Variants in COL27A1 observed in about 807,000 individuals in gnomAD.
COL27A1 encodes collagen alpha-1(XXVII) chain.
Under a neutral mutation model 251.3 loss-of-function variants are expected in COL27A1, and 106 were observed. The ratio of observed to expected loss-of-function variants is 0.42; its 90% CI spans 0.36 to 0.50. The LOEUF is 0.50. COL27A1 is among the 20% of genes least tolerant of loss of function. COL27A1 has a pLI of 0.00. For synonymous variants in COL27A1, 1,000 were observed against 986.3 expected (o/e 1.01, Z -0.26); for missense variants, 2,325 against 2,522.8 (o/e 0.92, Z 1.68).
At chr9:114,235,237 C>T (rs181144797) in intron 16 of COL27A1, among the ~76,000 whole-genome samples, 36 of 152,316 alleles carry the variant, frequency 2.4e-4, no homozygotes, top group African/African-American at 8.4e-4. Flanking sequence ...GCTGCCTTCA[C>T]CCCTGTGTGA....
rs758325299 is a variant in COL27A1, at chr9:114,288,770, T to C, written c.4098+15T>C. 64 of 1,608,444 alleles carry C rather than the reference T, an allele frequency of 4.0e-5. No individual in the cohort carries two copies. The highest frequency in any genetic ancestry group is 8.0e-5 in the African/African-American group (6 of 74,788). On this transcript the variant is annotated intron_variant, in intron 43 of 60. Coordinates refer to ENST00000356083, the MANE Select transcript of COL27A1 (RefSeq NM_032888.4). The stretch of plus-strand genomic sequence containing the variant: ...CTGGGTACCCTGTAAGTATCAGAGC[T>C]CCTACCTGCTGGCAGGATCGGGCAT...
chr9:114,193,146 G>C (rs1828862868), intron 5 of COL27A1, among the ~76,000 whole-genome samples: 1 of 152,326 alleles, frequency 6.6e-6, no homozygotes, highest in Non-Finnish European at 1.5e-5. Flanking sequence ...TCTGGGCCCA[G>C]CTGAGGCAGG....
rs746821837 is a variant in COL27A1 at position 114,300,157 on chromosome 9, G to T, written c.4638+34G>T. 5 of 1,591,792 alleles carry T rather than the reference G, an allele frequency of 3.1e-6. No individual in the cohort carries two copies. The African/African-American group carries it at 5.4e-5, about 17-fold the overall frequency. On this transcript the variant is annotated intron_variant, in intron 50 of 60. Transcript: ENST00000356083. ...TCCCACGGCTCACTGTTCCTGTGGGGTCCCATCCATTCACCCCATTCATTC... is the reference window on the plus strand; with the variant it reads ...TCCCACGGCTCACTGTTCCTGTGGGTTCCCATCCATTCACCCCATTCATTC...
intron 3 of COL27A1, among the ~76,000 whole-genome samples, chr9:114,175,251 C>A (rs369510599): frequency 1.3e-5 from 2 of 152,256 alleles, no homozygotes. Flanking sequence ...TCTGCTCCCC[C>A]TCAGCTCCAG....
At chr9:114,204,979 A>G in intron 7 of COL27A1, 123 bp from the exon 8 acceptor site, 1 of 825,738 alleles carries the variant, frequency 1.2e-6, no homozygotes. Flanking sequence ...TACTGAGTGC[A>G]CACTCCATCC....
rs1828501954 is a variant in COL27A1 at position 114,299,962 on chromosome 9, T to C, written c.4585-108T>C. 1.2e-5 allele frequency: 12 copies of C among 998,278 alleles called. No homozygotes were observed. The South Asian group carries it at 1.6e-4, about 13-fold the overall frequency. The allele number at this position is 998,278 out of a possible 1,614,324, so 61.8% of individuals were successfully genotyped here. A position where few individuals can be genotyped will look rare whatever the true frequency, so the allele number is the denominator to read the frequency against. ...TCGCTTCACAGAGGAGTCACTGATA[T>C]CCCTGGAAAGGCTGGGAGGGAAAAG... is the stretch of plus-strand genomic sequence containing the variant. On this transcript the variant is annotated intron_variant, in intron 49 of 60. Transcript: ENST00000356083.
At chr9:114,204,765 G>A (rs1032773391) in intron 7 of COL27A1, among the ~76,000 whole-genome samples, 9 of 152,024 alleles carry the variant, frequency 5.9e-5, no homozygotes, top group Non-Finnish European at 8.8e-5. Flanking sequence ...AGACGGTCTC[G>A]CCTTCTCTCT....
chr9:114,276,091 G>A (rs1835488239), intron 37 of COL27A1, among the ~76,000 whole-genome samples: 1 of 152,128 alleles, frequency 6.6e-6, no homozygotes, highest in Non-Finnish European at 1.5e-5. Flanking sequence ...TTACCCCTGG[G>A]CCTTTGCATG....
chr9:114,169,004 A>G lies in COL27A1; in HGVS notation c.1449A>G (p.Pro483=), dbSNP rs1849108388. 1 of 1,613,516 alleles carries G rather than the reference A, an allele frequency of 6.2e-7. No individual in the cohort carries two copies. The highest frequency in any genetic ancestry group is 8.5e-7 in the Non-Finnish European group (1 of 1,179,908). The change falls in exon 3 of 61, where the codon CCA becomes CCG. Residue 483 remains proline, a synonymous_variant. Coordinates refer to ENST00000356083, the MANE Select transcript of COL27A1 (RefSeq NM_032888.4). Reference sequence around the variant, plus strand: ...GCACCAGCACCCACAAACCTCCCCCATTTACTGCTTTATCCTCATCTCCTG... The same window carrying G: ...GCACCAGCACCCACAAACCTCCCCCGTTTACTGCTTTATCCTCATCTCCTG... ...SARTSTHKPP[P]FTALSSSPAP...
chr9:114,280,707 G>A (rs1835849813), intron 37 of COL27A1, among the ~76,000 whole-genome samples: 1 of 152,100 alleles, frequency 6.6e-6, no homozygotes, highest in Admixed American at 6.5e-5. Flanking sequence ...TGGGTTGCAG[G>A]CAGTCTGTGC....
At chr9:114,191,018 G>A (rs1459219732) in intron 5 of COL27A1, among the ~76,000 whole-genome samples, 1 of 152,174 alleles carries the variant, frequency 6.6e-6, no homozygotes, top group East Asian at 1.9e-4. Context: ...CTGTCTAGGG[G>A]TACCTTGAGC....
chr9:114,211,104 G>C (rs146567022), intron 12 of COL27A1, 78 bp downstream of exon 12: 2 of 1,428,444 alleles, frequency 1.4e-6, no homozygotes, highest in East Asian at 4.5e-5. Flanking sequence ...CTGGCCACCT[G>C]CTGCCTGGCA....
At chr9:114,232,431 C>T (rs1423526574) in intron 16 of COL27A1, among the ~76,000 whole-genome samples, 1 of 152,176 alleles carries the variant, frequency 6.6e-6, no homozygotes. Flanking sequence ...GAAGACAGGC[C>T]CTGGGGGCCC....
At chr9:114,187,030 A>G (rs1828398981) in intron 5 of COL27A1, among the ~76,000 whole-genome samples, 1 of 152,214 alleles carries the variant, frequency 6.6e-6, no homozygotes, top group Non-Finnish European at 1.5e-5. Context: ...GGTCTGGTCC[A>G]CTTGGTCTGC....
At chr9:114,195,523 G>A (rs949361607) in intron 6 of COL27A1, among the ~76,000 whole-genome samples, 1 of 152,220 alleles carries the variant, frequency 6.6e-6, no homozygotes, top group African/African-American at 2.4e-5. Context: ...CTCCTGTGTG[G>A]CCTGTTCTCA....
At chr9:114,212,513 A>T (rs1364889245) in intron 12 of COL27A1, among the ~76,000 whole-genome samples, 1 of 152,242 alleles carries the variant, frequency 6.6e-6, no homozygotes, top group African/African-American at 2.4e-5. Flanking sequence ...AAGGTTAGGT[A>T]GTGCTGAATC....
chr9:114,235,372 G>A (rs1416257958), intron 16 of COL27A1, among the ~76,000 whole-genome samples: 1 of 152,162 alleles, frequency 6.6e-6, no homozygotes, highest in African/African-American at 2.4e-5. Context: ...GGCATTTTCA[G>A]CCATCCGAGC....
Position 114,252,930 on chromosome 9 carries a change from C to G in COL27A1, c.3139C>G (p.Gln1047Glu). 1 of 1,612,258 alleles carries G rather than the reference C, an allele frequency of 6.2e-7. No individual in the cohort carries two copies. The highest frequency in any genetic ancestry group is 8.5e-7 in the Non-Finnish European group (1 of 1,178,878). Residue 1047 changes from glutamine to glutamate, a missense_variant and splice_region_variant, in exon 27 of 61, where the codon CAG (glutamine) becomes GAG (glutamate). Physicochemically the swap from Gln to Glu is conservative, Grantham distance 29. Coordinates refer to ENST00000356083, the MANE Select transcript of COL27A1 (RefSeq NM_032888.4). ...GMGTPGEPGP[Q>E]GPPGSRGPPG... ...GGGGACCCCTGGAGAGCCTGGACCCCAGGTAAGCAAAGCCCTCGTGATCCC... is the reference window on the plus strand; with the variant it reads ...GGGGACCCCTGGAGAGCCTGGACCCGAGGTAAGCAAAGCCCTCGTGATCCC...
In COL27A1 at chr9:114,312,494, A is replaced by T. The variant is rs1172403530; in HGVS notation, c.*1799A>T. 1 of 152,206 alleles carries T rather than the reference A, an allele frequency of 6.6e-6. No individual in the cohort carries two copies. Among genetic ancestry groups the T allele is most frequent in the African/African-American group, 2.4e-5 (1 of 41,444 alleles). 9.4% of individuals were successfully genotyped at this position (152,206 alleles called of 1,614,324 possible). A position where few individuals can be genotyped will look rare whatever the true frequency, so the allele number is the denominator to read the frequency against. ...CCCTCTGGATTTTAAATAAATATTT[A>T]AAACTGAGGCAATGGAATGACACGC... On this transcript the variant is annotated 3_prime_UTR_variant, in exon 61 of 61. Coordinates refer to ENST00000356083, the MANE Select transcript of COL27A1 (RefSeq NM_032888.4).
Sources: allele counts gnomAD v4.1 joint callset (sites outside exome capture counted in the v4.1 genomes callset), GRCh38; gene constraint gnomAD v4.1.1; transcripts MANE v1.5; gene names NCBI Gene and HGNC (gene_info 2026-07-23, HGNC 2026-07-21).